Variants in PPP2R3A observed in about 807,000 individuals in gnomAD.
PPP2R3A encodes the protein protein phosphatase 2 regulatory subunit B''alpha, also known as serine/threonine-protein phosphatase 2A regulatory subunit B'' subunit alpha.
PPP2R3A carries 80 observed loss-of-function variants against 106.9 expected under a neutral mutation model. That is an observed-to-expected ratio of 0.75 (90% CI 0.62 to 0.90). The LOEUF is 0.90. Ranked by LOEUF, PPP2R3A falls within the 40% of genes least tolerant of loss-of-function variation. The pLI is 0.00. For missense variants in PPP2R3A, 1,386 were observed against 1,350.4 expected (o/e 1.03, Z -0.41); for synonymous variants, 483 against 468.3 (o/e 1.03, Z -0.41).
chr3:136,059,801 A>G (rs1246139542), intron 5 of PPP2R3A, among the ~76,000 whole-genome samples: 1 of 152,228 alleles, frequency 6.6e-6, no homozygotes, highest in African/African-American at 2.4e-5. Context: ...ATGCAGCCAT[A>G]AAAAAGAAAG....
intron 13 of PPP2R3A, among the ~76,000 whole-genome samples, chr3:136,122,886 C>T (rs548276121): frequency 9.2e-5 from 14 of 151,886 alleles, no homozygotes; most frequent in African/African-American, 2.4e-4. Flanking sequence ...CTGTCATTAG[C>T]GATTAAAGGA....
intron 13 of PPP2R3A, among the ~76,000 whole-genome samples, chr3:136,109,917 T>C (rs1329281046): frequency 2.0e-5 from 3 of 152,034 alleles, no homozygotes; most frequent in Non-Finnish European, 4.4e-5. Context: ...TCTACCTGAA[T>C]TTGACTGAAA....
intron 1 of PPP2R3A, among the ~76,000 whole-genome samples, chr3:135,967,864 G>A (rs767275216): frequency 6.6e-6 from 1 of 152,190 alleles, no homozygotes; most frequent in African/African-American, 2.4e-5. Context: ...GTAATTTCTA[G>A]TTGTGGAGGG....
rs375418248 is a variant in PPP2R3A at position 135,969,683 on chromosome 3, G to A, written c.-441+3834G>A. On this transcript the variant is annotated intron_variant, in intron 1 of 13. Transcript: ENST00000264977. ...AGTGGTTGCAAAGCAGTAGCCTACA[G>A]CTGAATCTGACTCACAGATGTTTTG... 6.6e-5 allele frequency among the ~76,000 whole-genome samples: 10 copies of A among 152,328 alleles called. No individual in the cohort carries two copies. In the South Asian group the frequency reaches 1.9e-3, roughly 28 times the overall value.
At chr3:136,019,553 A>G (rs1472112553) in intron 2 of PPP2R3A, among the ~76,000 whole-genome samples, 2 of 152,298 alleles carry the variant, frequency 1.3e-5, no homozygotes, top group South Asian at 2.1e-4. Flanking sequence ...CTTTTCCTGG[A>G]AAGTCACTCT....
intron 2 of PPP2R3A, among the ~76,000 whole-genome samples, chr3:136,004,699 A>G (rs778567680): frequency 6.6e-6 from 1 of 152,208 alleles, no homozygotes; most frequent in African/African-American, 2.4e-5. Flanking sequence ...GAAGAAATAC[A>G]TGGATACACA....
chr3:136,133,161 G>T (rs190769111), intron 13 of PPP2R3A, among the ~76,000 whole-genome samples: 1 of 152,080 alleles, frequency 6.6e-6, no homozygotes, highest in Admixed American at 6.5e-5. Flanking sequence ...TTGATACATT[G>T]GACTTCCTTC....
intron 5 of PPP2R3A, among the ~76,000 whole-genome samples, chr3:136,057,250 G>C (rs1935900637): frequency 6.6e-6 from 1 of 152,076 alleles, no homozygotes. Context: ...ATTCACAATA[G>C]CCAGAATATG....
chr3:136,113,477 A>G (rs1368317518), intron 13 of PPP2R3A, among the ~76,000 whole-genome samples: 1 of 152,184 alleles, frequency 6.6e-6, no homozygotes, highest in Admixed American at 6.5e-5. Flanking sequence ...ACAAAAGTCA[A>G]TGCAAGATAG....
rs534066241 is a variant in PPP2R3A at position 135,977,142 on chromosome 3, T to C, written c.-441+11293T>C. On this transcript the variant is annotated intron_variant, in intron 1 of 13. Coordinates refer to ENST00000264977, the MANE Select transcript of PPP2R3A (RefSeq NM_002718.5). ...GCTATAGTAGAATATTTGTAAAACA[T>C]ATATATAAGGTGTAAAGCATAGCAA... Among the ~76,000 whole-genome samples, 3 of 152,218 alleles carry C rather than the reference T, an allele frequency of 2.0e-5. No individual in the cohort carries two copies. In the South Asian group the frequency reaches 6.2e-4, roughly 32 times the overall value.
chr3:136,116,004 T>A (rs1422910029), intron 13 of PPP2R3A, among the ~76,000 whole-genome samples: 4 of 151,766 alleles, frequency 2.6e-5, no homozygotes, highest in Non-Finnish European at 5.9e-5. Flanking sequence ...GAGAAAAGTC[T>A]GGTTACCCAC....
At chr3:136,094,492 C>A (rs1937171543) in intron 10 of PPP2R3A, among the ~76,000 whole-genome samples, 1 of 152,140 alleles carries the variant, frequency 6.6e-6, no homozygotes, top group Non-Finnish European at 1.5e-5. Flanking sequence ...AAAATCTCCA[C>A]ACACTTGGGT....
At chr3:136,057,078 A>C (rs59734660) in intron 5 of PPP2R3A, among the ~76,000 whole-genome samples, 53,200 of 140,188 alleles carry the variant, frequency 0.38, 10,868 homozygotes, top group African/African-American at 0.6. Context: ...GACCCCCCCC[A>C]CACACACCGT....
chr3:136,044,664 A>T (rs1447582150), intron 4 of PPP2R3A, among the ~76,000 whole-genome samples: 1 of 152,114 alleles, frequency 6.6e-6, no homozygotes, highest in Admixed American at 6.6e-5. Context: ...AGAGAAACCA[A>T]AATATTGAGT....
At chr3:136,076,226 T>C (rs765038208) in intron 6 of PPP2R3A, among the ~76,000 whole-genome samples, 2 of 152,252 alleles carry the variant, frequency 1.3e-5, no homozygotes, top group African/African-American at 2.4e-5. Flanking sequence ...CATTTCTGTC[T>C]AGCAGTTGTA....
At chr3:136,044,009 A>C (rs1386567565) in intron 4 of PPP2R3A, among the ~76,000 whole-genome samples, 1 of 152,186 alleles carries the variant, frequency 6.6e-6, no homozygotes. Context: ...CTCATCTGTC[A>C]TGTCTCTGCT....
At chr3:136,096,637 G>A (rs897288669) in intron 10 of PPP2R3A, among the ~76,000 whole-genome samples, 3 of 152,324 alleles carry the variant, frequency 2.0e-5, no homozygotes, top group Admixed American at 2.0e-4. Context: ...TTTCACAGTA[G>A]TAAATAATAA....
At chr3:136,063,643 G>A (rs1936157134) in intron 5 of PPP2R3A, among the ~76,000 whole-genome samples, 2 of 152,188 alleles carry the variant, frequency 1.3e-5, no homozygotes, top group South Asian at 4.1e-4. Flanking sequence ...AGACATTTAT[G>A]CAGCCAAAAG....
At chr3:135,976,923 C>T (rs2107753387) in intron 1 of PPP2R3A, among the ~76,000 whole-genome samples, 1 of 152,160 alleles carries the variant, frequency 6.6e-6, no homozygotes, top group South Asian at 2.1e-4. Context: ...GGTGGCATGT[C>T]AAATTATCAA....
Sources: allele counts gnomAD v4.1 joint callset (sites outside exome capture counted in the v4.1 genomes callset), GRCh38; gene constraint gnomAD v4.1.1; transcripts MANE v1.5; gene names NCBI Gene and HGNC (gene_info 2026-07-23, HGNC 2026-07-21).